Variants in PDHX observed in about 807,000 individuals in gnomAD.
The protein encoded by PDHX is pyruvate dehydrogenase complex component X.
PDHX carries 33 observed loss-of-function variants against 55.3 expected under a neutral mutation model. The observed-to-expected ratio is 0.60, with a 90% CI of 0.45 to 0.80. The LOEUF (loss-of-function observed/expected upper bound fraction) is 0.80, where lower values mean the gene tolerates loss of function less well. Ranked by LOEUF, PDHX falls within the 30% of genes least tolerant of loss-of-function variation. The pLI, the probability that PDHX is intolerant of heterozygous loss-of-function variation, is 0.00. For synonymous variants in PDHX, 226 were observed against 219.4 expected, an observed-to-expected ratio of 1.03 and a Z score of -0.27; for missense variants, 622 against 619.9, an observed-to-expected ratio of 1.00 and a Z score of -0.04.
chr11:34,946,458 C>T (rs1041961070), intron 2 of PDHX, among the ~76,000 whole-genome samples: 1 of 152,086 alleles, frequency 6.6e-6, no homozygotes, highest in African/African-American at 2.4e-5. Flanking sequence ...CTTTTGATTT[C>T]TTCGTGTGTC....
At chr11:34,939,621 A>C (rs1320447531) in intron 2 of PDHX, among the ~76,000 whole-genome samples, 2 of 152,164 alleles carry the variant, frequency 1.3e-5, no homozygotes, top group African/African-American at 2.4e-5. Context: ...ACTACCTGGG[A>C]GTGAGTTGAA....
At chr11:34,939,051 C>CT (rs1481201143) in intron 2 of PDHX, among the ~76,000 whole-genome samples, 1 of 152,146 alleles carries the variant, frequency 6.6e-6, no homozygotes, top group Non-Finnish European at 1.5e-5. Flanking sequence ...TAATTGGCTG[C>CT]TTTTCATTAA....
At chr11:34,931,265 T>G in intron 1 of PDHX, 139 bp from the exon 2 acceptor site, 1 of 656,482 alleles carries the variant, frequency 1.5e-6, no homozygotes, top group Non-Finnish European at 2.8e-6. Flanking sequence ...GAGACTTAGT[T>G]TACCAGTTGG....
chr11:34,920,928 C>T (rs1021721880), intron 1 of PDHX, among the ~76,000 whole-genome samples: 1 of 152,154 alleles, frequency 6.6e-6, no homozygotes, highest in African/African-American at 2.4e-5. Context: ...TCTCACCTGC[C>T]TGTTTTTTGT....
intron 7 of PDHX, among the ~76,000 whole-genome samples, chr11:34,973,406 A>G (rs915558010): frequency 6.6e-6 from 1 of 152,172 alleles, no homozygotes; most frequent in Non-Finnish European, 1.5e-5. Flanking sequence ...GACCGCTCAC[A>G]TTTAATGGGA....
intron 1 of PDHX, among the ~76,000 whole-genome samples, chr11:34,922,508 A>T (rs1853908407): frequency 6.6e-6 from 1 of 152,210 alleles, no homozygotes; most frequent in Non-Finnish European, 1.5e-5. Flanking sequence ...GTATCAAGTG[A>T]TAGCTTGATT....
intron 2 of PDHX, 151 bp downstream of exon 2, chr11:34,931,635 A>G (rs975200476): frequency 1.9e-5 from 12 of 625,360 alleles, no homozygotes; most frequent in Middle Eastern, 4.1e-4. Context: ...TTGGTTGAAT[A>G]AAATTTTCCC....
chr11:34,940,852 A>G (rs55929026), intron 2 of PDHX, among the ~76,000 whole-genome samples: 33,768 of 152,148 alleles, frequency 0.22, 4,911 homozygotes, highest in Non-Finnish European at 0.34. Context: ...ATTTAGCATG[A>G]TTAAGGTTCA....
rs150329060 is a variant in PDHX at position 34,955,860 on chromosome 11, A to G, written c.343-1524A>G. ...TGATGTTCTTTGTACTTGGATATTG[A>G]TCCTATTTCTGATTCAGTTTTGAAA... On this transcript the variant is annotated intron_variant, in intron 3 of 10. Transcript: ENST00000227868. Among the ~76,000 whole-genome samples, 1,140 of 152,158 alleles carry G rather than the reference A, an allele frequency of 7.5e-3. 12 individuals are homozygous for G. The highest frequency in any genetic ancestry group is 0.011 in the Non-Finnish European group (737 of 67,964).
chr11:34,970,019 TTTAA>T (rs1363010387), intron 6 of PDHX, 116 bp from the exon 7 acceptor site: 11 of 830,494 alleles, frequency 1.3e-5, no homozygotes, highest in Admixed American at 1.0e-4. Flanking sequence ...TGTGTTAATC[TTTAA>T]TTAATAAGTT....
chr11:34,932,481 A>G (rs1398845442), intron 2 of PDHX, among the ~76,000 whole-genome samples: 1 of 152,198 alleles, frequency 6.6e-6, no homozygotes, highest in African/African-American at 2.4e-5. Context: ...GTAGAAAAAG[A>G]CGCCTAACCT....
intron 3 of PDHX, 31 bp from the exon 4 acceptor site, chr11:34,957,352 CT>C (rs1253869580): frequency 1.4e-6 from 2 of 1,414,824 alleles, no homozygotes; most frequent in African/African-American, 2.8e-5. Flanking sequence ...TGGGGTTTTA[CT>C]TCTCTACAGT....
intron 3 of PDHX, among the ~76,000 whole-genome samples, chr11:34,956,835 AT>A (rs1156596170): frequency 6.6e-5 from 10 of 152,134 alleles, no homozygotes; most frequent in African/African-American, 2.4e-4. Context: ...AGTAGACTAT[AT>A]TTAACATTAA....
At chr11:34,944,928 C>T (rs1307116176) in intron 2 of PDHX, among the ~76,000 whole-genome samples, 1 of 151,974 alleles carries the variant, frequency 6.6e-6, no homozygotes, top group African/African-American at 2.4e-5. Context: ...TTATTTCTAC[C>T]ATTTTTTGTG....
At chr11:34,924,361 A>T (rs1590727711) in intron 1 of PDHX, among the ~76,000 whole-genome samples, 1 of 152,094 alleles carries the variant, frequency 6.6e-6, no homozygotes, top group East Asian at 1.9e-4. Flanking sequence ...AGTAGCTGGG[A>T]CTATAGGCAT....
At chr11:34,972,900 A>G (rs1249188428) in intron 7 of PDHX, among the ~76,000 whole-genome samples, 2 of 152,020 alleles carry the variant, frequency 1.3e-5, no homozygotes, top group Non-Finnish European at 2.9e-5. Flanking sequence ...ATTTGTTGAT[A>G]TTTATTTTAT....
chr11:34,916,171 G>C (rs988171497), upstream of PDHX: 145 of 1,572,700 alleles, frequency 9.2e-5, no homozygotes, highest in Non-Finnish European at 1.2e-4. Flanking sequence ...CCAGCCGCCG[G>C]GTCCCGCCTG....
chr11:34,977,914 T>A (rs1855413762), intron 7 of PDHX: 2 of 596,346 alleles, frequency 3.4e-6, no homozygotes, highest in Admixed American at 2.3e-5. Context: ...AGAAGTAAAC[T>A]TACATTCATG....
At chr11:34,966,565 T>G (rs1590756670) in intron 5 of PDHX, 75 bp from the exon 6 acceptor site, 1 of 1,341,522 alleles carries the variant, frequency 7.5e-7, no homozygotes, top group East Asian at 2.3e-5. Flanking sequence ...TCTCCACATC[T>G]CACCTGCGTT....
Sources: gnomAD v4.1 joint callset for allele counts (sites outside exome capture counted in the v4.1 genomes callset) on GRCh38, gnomAD v4.1.1 for gene constraint, MANE v1.5 for transcripts, NCBI Gene and HGNC (gene_info 2026-07-23, HGNC 2026-07-21) for gene names.